Variants in KCNMA1 observed in about 807,000 individuals in gnomAD.
KCNMA1 encodes the protein Calcium-activated potassium channel subunit alpha-1.
In KCNMA1, 29 loss-of-function variants were observed where a neutral mutation model predicts 140.0. The ratio of observed to expected loss-of-function variants is 0.21; its 90% CI spans 0.15 to 0.28. The LOEUF is 0.28. KCNMA1 is among the 10% of genes least tolerant of loss of function. The pLI, the probability that KCNMA1 is intolerant of heterozygous loss-of-function variation, is 1.00. For missense variants in KCNMA1, 880 were observed against 1,602.2 expected (o/e 0.55, Z 7.70); for synonymous variants, 612 against 611.9 (o/e 1.00, Z 0.00).
At chr10:77,617,659 G>A (rs2090049276) in intron 1 of KCNMA1, among the ~76,000 whole-genome samples, 1 of 152,182 alleles carries the variant, frequency 6.6e-6, no homozygotes, top group Admixed American at 6.5e-5. Context: ...TTGGGCAAGT[G>A]ACATCACATA....
At chr10:77,293,858 C>T (rs2074127481) in intron 2 of KCNMA1, among the ~76,000 whole-genome samples, 1 of 152,232 alleles carries the variant, frequency 6.6e-6, no homozygotes, top group South Asian at 2.1e-4. Context: ...AGGTTGTTTG[C>T]TCCTTTAATC....
chr10:77,453,060 C>T (rs1278259391), intron 1 of KCNMA1, among the ~76,000 whole-genome samples: 2 of 152,138 alleles, frequency 1.3e-5, no homozygotes, highest in Non-Finnish European at 2.9e-5. Flanking sequence ...CCAGTTAACA[C>T]TCATTATCAT....
intron 1 of KCNMA1, among the ~76,000 whole-genome samples, chr10:77,581,304 A>G (rs977912436): frequency 9.3e-6 from 1 of 107,658 alleles, no homozygotes; most frequent in African/African-American, 3.7e-5. Flanking sequence ...TTTGATACCC[A>G]ATTCTCAACA....
At chr10:76,976,510 G>A (rs776574861) in intron 19 of KCNMA1, among the ~76,000 whole-genome samples, 28 of 152,108 alleles carry the variant, frequency 1.8e-4, no homozygotes, top group Non-Finnish European at 3.1e-4. Context: ...AATACTGCGG[G>A]CCTAATGGAT....
intron 1 of KCNMA1, among the ~76,000 whole-genome samples, chr10:77,542,301 C>A (rs2154555194): frequency 6.6e-6 from 1 of 152,288 alleles, no homozygotes; most frequent in East Asian, 1.9e-4. Context: ...GAAGAATTGG[C>A]ATAAAGAGAG....
chr10:77,519,059 T>C (rs2051755650), intron 1 of KCNMA1, among the ~76,000 whole-genome samples: 1 of 152,246 alleles, frequency 6.6e-6, no homozygotes, highest in Non-Finnish European at 1.5e-5. Context: ...ACAGTGCCAT[T>C]GGCTCCGTCC....
chr10:77,543,601 T>C (rs2060696549), intron 1 of KCNMA1, among the ~76,000 whole-genome samples: 1 of 152,128 alleles, frequency 6.6e-6, no homozygotes, highest in Non-Finnish European at 1.5e-5. Flanking sequence ...AACAAAAACA[T>C]ATATTCAATG....
intron 16 of KCNMA1, chr10:77,025,442 A>G (rs1446413395): frequency 2.5e-6 from 4 of 1,603,900 alleles, no homozygotes; most frequent in South Asian, 1.1e-5. Context: ...CGAAGAGTGC[A>G]TACCGCTTTC....
rs1591104948 is a variant in KCNMA1, at chr10:76,932,136, A to G, written c.2902+12637T>C. The stretch of plus-strand genomic sequence containing the variant: ...TACACAGTAGCTAATCTAAGTGGGT[A>G]CCACTCATATCAATAGGCATTGTAT... On this transcript the variant is annotated intron_variant, in intron 23 of 27. Transcript: ENST00000286628. Among the ~76,000 whole-genome samples the G allele has an allele frequency of 2.0e-5, 3 of 152,346 alleles. No homozygotes were observed. In the Middle Eastern group the frequency reaches 0.01, roughly 518 times the overall value.
intron 3 of KCNMA1, among the ~76,000 whole-genome samples, chr10:77,214,720 G>A (rs1473941680): frequency 6.6e-6 from 1 of 152,078 alleles, no homozygotes; most frequent in African/African-American, 2.4e-5. Flanking sequence ...CCTTCCCTCT[G>A]TCTCAACAGT....
Position 77,339,833 on chromosome 10 carries a change from T to G in KCNMA1, c.540+64029A>C, listed in dbSNP as rs890310952. 3.3e-5 allele frequency among the ~76,000 whole-genome samples: 5 copies of G among 152,254 alleles called. 1 individual carries two copies. Among genetic ancestry groups the G allele is most frequent in the African/African-American group, 1.2e-4 (5 of 41,466 alleles). On this transcript the variant is annotated intron_variant, in intron 2 of 27. Coordinates refer to ENST00000286628, the MANE Select transcript of KCNMA1 (RefSeq NM_001161352.2). ...CTGATAAAAAGCAGGAGGGAACAGC[T>G]TAACCTGATATTGCCCTTCCCCCTT...
intron 2 of KCNMA1, among the ~76,000 whole-genome samples, chr10:77,381,288 A>G (rs1344636439): frequency 6.6e-6 from 1 of 152,224 alleles, no homozygotes; most frequent in Non-Finnish European, 1.5e-5. Context: ...TATATATAGT[A>G]TATTAGAGAA....
chr10:77,346,622 T>C (rs996885178), intron 2 of KCNMA1, among the ~76,000 whole-genome samples: 1 of 152,208 alleles, frequency 6.6e-6, no homozygotes, highest in Non-Finnish European at 1.5e-5. Context: ...TTGTGTCCTG[T>C]TGGAAAGTGT....
At chr10:77,225,868 C>T (rs925843483) in intron 3 of KCNMA1, among the ~76,000 whole-genome samples, 1 of 152,170 alleles carries the variant, frequency 6.6e-6, no homozygotes, top group Admixed American at 6.6e-5. Flanking sequence ...GCAGGCCAGT[C>T]GTCTCACCTG....
chr10:77,434,665 G>A (rs1002962181), intron 1 of KCNMA1, among the ~76,000 whole-genome samples: 35 of 152,160 alleles, frequency 2.3e-4, no homozygotes, highest in African/African-American at 7.7e-4. Flanking sequence ...AGATGAATAC[G>A]TCCAAGTGCC....
chr10:77,482,731 C>A (rs1603628247), intron 1 of KCNMA1, among the ~76,000 whole-genome samples: 1 of 152,098 alleles, frequency 6.6e-6, no homozygotes, highest in East Asian at 1.9e-4. Flanking sequence ...CAGCCTCAAT[C>A]TGTTCTCCTC....
Position 76,970,562 on chromosome 10 carries a change from G to A in KCNMA1, c.2267-495C>T, listed in dbSNP as rs1044284503. On this transcript the variant is annotated intron_variant, in intron 19 of 27. Coordinates refer to ENST00000286628, the MANE Select transcript of KCNMA1 (RefSeq NM_001161352.2). ...CTAACCCCTGCATACCAGAGAAAGA[G>A]CGTTGAAAAGAGGCAAGGATTCAAG... 1.6e-5 allele frequency: 3 copies of A among 191,438 alleles called. No individual in the cohort carries two copies. The Admixed American group carries it at 1.6e-4, about 10-fold the overall frequency. The allele number at this position is 191,438 out of a possible 1,614,324, so 11.9% of individuals were successfully genotyped here. A position where few individuals can be genotyped will look rare whatever the true frequency, so the allele number is the denominator to read the frequency against.
At chr10:77,472,183 C>T (rs1358972037) in intron 1 of KCNMA1, among the ~76,000 whole-genome samples, 3 of 151,512 alleles carry the variant, frequency 2.0e-5, no homozygotes. Flanking sequence ...CCCACATACA[C>T]ACCACACAAA....
At chr10:76,977,912 G>A (rs535414902) in intron 19 of KCNMA1, 5 of 422,334 alleles carry the variant, frequency 1.2e-5, no homozygotes, top group South Asian at 4.0e-5. Flanking sequence ...AGCTGTCAGC[G>A]TGTGCTGCCA....
Sources: gnomAD v4.1 joint callset for allele counts (sites outside exome capture counted in the v4.1 genomes callset) on GRCh38, gnomAD v4.1.1 for gene constraint, MANE v1.5 for transcripts, NCBI Gene and HGNC (gene_info 2026-07-23, HGNC 2026-07-21) for gene names.